The following DPYSL2 variants were observed in gnomAD, a reference collection of about 807,000 sequenced individuals.
DPYSL2 encodes the protein dihydropyrimidinase like 2, also known as dihydropyrimidinase-related protein 2.
Under a neutral mutation model 69.9 loss-of-function variants are expected in DPYSL2, and 13 were observed. That is an observed-to-expected ratio of 0.19 (90% confidence interval 0.12 to 0.30). The LOEUF (loss-of-function observed/expected upper bound fraction) is 0.30. Ranked by LOEUF, DPYSL2 falls within the 10% of genes least tolerant of loss-of-function variation. The pLI is 1.00. For synonymous variants in DPYSL2, 326 were observed against 359.1 expected (o/e 0.91, Z 1.04); for missense variants, 587 against 918.9 (o/e 0.64, Z 4.67).
chr8:26,536,105 CTTTTTTT>C (rs111964513), intron 1 of DPYSL2, among the ~76,000 whole-genome samples: 1 of 139,724 alleles, frequency 7.2e-6, no homozygotes, highest in Non-Finnish European at 1.6e-5. Context: ...TATCTTTTTC[CTTTTTTT>C]TTTTTTTTCT....
chr8:26,587,084 T>C lies in DPYSL2; in HGVS notation c.628+3101T>C, dbSNP rs1801623415. ...TACAGGTGAGGAACTGAGGAATTTT[T>C]ATCCTTTTTCTGTTTGCTGACCAGA... On this transcript the variant is annotated intron_variant, in intron 3 of 13. Transcript: ENST00000521913. This position sits in a 1 kb window ranked among gnomAD's most constrained non-coding sequence, Gnocchi z 4.2. Among the ~76,000 whole-genome samples the C allele has an allele frequency of 6.6e-6, 1 of 152,212 alleles. No individual in the cohort carries two copies. The highest frequency in any genetic ancestry group is 2.4e-5 in the African/African-American group (1 of 41,452).
chr8:26,548,909 C>A (rs1027405552), intron 1 of DPYSL2, among the ~76,000 whole-genome samples: 2 of 151,630 alleles, frequency 1.3e-5, no homozygotes, highest in Admixed American at 1.3e-4. Flanking sequence ...AAAAAATAGG[C>A]CGGGCGCAGT....
rs1801133738 is a variant in DPYSL2, at chr8:26,565,441, G to A, written c.355-16528G>A. Among the ~76,000 whole-genome samples the A allele has an allele frequency of 6.6e-6, 1 of 152,104 alleles. No individual in the cohort carries two copies. Among genetic ancestry groups the A allele is most frequent in the South Asian group, 2.1e-4 (1 of 4,810 alleles). On this transcript the variant is annotated intron_variant, in intron 1 of 13. Coordinates refer to ENST00000521913, the MANE Select transcript of DPYSL2 (RefSeq NM_001197293.3). The surrounding 1 kb of genome is among the most constrained non-coding windows in gnomAD (Gnocchi z 4.1). ...AGTAGTCCAGGAAATGGACCATGGG[G>A]GCCCAGCTGTGAATGAAGAGGTTGA...
Position 26,580,295 on chromosome 8 carries a change from G to A in DPYSL2, c.355-1674G>A, listed in dbSNP as rs1445703079. 6.6e-6 allele frequency among the ~76,000 whole-genome samples: 1 copy of A among 152,166 alleles called. No individual in the cohort carries two copies. The highest frequency in any genetic ancestry group is 2.4e-5 in the African/African-American group (1 of 41,424). ...AGAGGACAAGTGCACTGATTTGAGT[G>A]ACCTGGGCAAGTGGCCTAACCTCTC... On this transcript the variant is annotated intron_variant, in intron 1 of 13. Transcript: ENST00000521913. This position sits in a 1 kb window ranked among gnomAD's most constrained non-coding sequence, Gnocchi z 4.1.
At chr8:26,599,761 A>G (rs926029975) in intron 3 of DPYSL2, among the ~76,000 whole-genome samples, 10 of 151,732 alleles carry the variant, frequency 6.6e-5, no homozygotes, top group South Asian at 2.1e-4. Flanking sequence ...AAAAATTTAG[A>G]TATGATTTGT....
intron 1 of DPYSL2, among the ~76,000 whole-genome samples, chr8:26,556,157 ATAG>A (rs369471044): frequency 0.45 from 5,762 of 12,800 alleles, 2,104 homozygotes; most frequent in East Asian, 0.9. Flanking sequence ...TATACTATAT[ATAG>A]TATATACTAT....
Position 26,657,183 on chromosome 8 carries a change from A to T in DPYSL2, c.*1477A>T, listed in dbSNP as rs1803412164. The T allele has an allele frequency of 6.6e-6, 1 of 152,540 alleles. No homozygotes were observed. The highest frequency in any genetic ancestry group is 1.5e-5 in the Non-Finnish European group (1 of 68,042). The allele number at this position is 152,540 out of a possible 1,614,324, so 9.4% of individuals were successfully genotyped here. A position where few individuals can be genotyped will look rare whatever the true frequency, so the allele number is the denominator to read the frequency against. ...CTTTGCAAGAGGAGAAATGTGTTTT[A>T]TGAACGATAGATCACATCAGAACTC... On this transcript the variant is annotated 3_prime_UTR_variant, in exon 14 of 14. Transcript: ENST00000521913.
chr8:26,583,081 C>A (rs954011925), intron 2 of DPYSL2, among the ~76,000 whole-genome samples: 1 of 152,116 alleles, frequency 6.6e-6, no homozygotes, highest in African/African-American at 2.4e-5. Context: ...GGCCTGTGTG[C>A]TGTTTTTACT....
intron 3 of DPYSL2, among the ~76,000 whole-genome samples, chr8:26,615,973 G>C (rs1484673211): frequency 6.6e-6 from 1 of 152,162 alleles, no homozygotes; most frequent in African/African-American, 2.4e-5. Flanking sequence ...TTATCTTCCT[G>C]GGGGTGTTTA....
rs138188356 is a variant in DPYSL2, at chr8:26,635,448, G to A, written c.1126+548G>A. Among the ~76,000 whole-genome samples the A allele has an allele frequency of 3.9e-3, 600 of 152,294 alleles. 15 individuals are homozygous for A. The highest frequency in any genetic ancestry group is 0.034 in the Admixed American group (520 of 15,300). ...ACTAGGGTGTCCACTGTAACTAACT[G>A]ATGAAGTGCAGCTTCCAGTGCTTCC... On this transcript the variant is annotated intron_variant, in intron 8 of 13. Transcript: ENST00000521913.
chr8:26,599,163 C>T (rs1801935711), intron 3 of DPYSL2, among the ~76,000 whole-genome samples: 1 of 152,154 alleles, frequency 6.6e-6, no homozygotes, highest in Non-Finnish European at 1.5e-5. Context: ...GGGAAAGTGT[C>T]CACTCTGCGG....
At chr8:26,635,623 C>T (rs1337517711) in intron 8 of DPYSL2, among the ~76,000 whole-genome samples, 4 of 152,222 alleles carry the variant, frequency 2.6e-5, no homozygotes, top group South Asian at 2.1e-4. Context: ...GAGGGCATGT[C>T]GTTCATTTTG....
At chr8:26,594,468 CCCTA>C (rs1410573813) in intron 3 of DPYSL2, among the ~76,000 whole-genome samples, 1 of 152,144 alleles carries the variant, frequency 6.6e-6, no homozygotes, top group African/African-American at 2.4e-5. Flanking sequence ...CTATCTATTT[CCCTA>C]CCTACCTATC....
Position 26,516,568 on chromosome 8 carries a change from T to G in DPYSL2, c.354+1889T>G, listed in dbSNP as rs921129392. Reference sequence around the variant, plus strand: ...TTTTATCGGGTTGAATAACACTTCTTTTTTCTTGGCCATTTAGAAGCTTAG... The same window carrying G: ...TTTTATCGGGTTGAATAACACTTCTGTTTTCTTGGCCATTTAGAAGCTTAG... On this transcript the variant is annotated intron_variant, in intron 1 of 13. Transcript: ENST00000521913. The surrounding 1 kb of genome is among the most constrained non-coding windows in gnomAD (Gnocchi z 4.8). Among the ~76,000 whole-genome samples, 1 of 152,194 alleles carries G rather than the reference T, an allele frequency of 6.6e-6. No homozygotes were observed. Among genetic ancestry groups the G allele is most frequent in the Admixed American group, 6.5e-5 (1 of 15,282 alleles).
Position 26,514,295 on chromosome 8 carries a change from A to T in DPYSL2, c.-31A>T. ...TAGGGACTGGCAGACGGACGGACGG[A>T]CGGCGAGGACCCTACCCGAGCCCCC... On this transcript the variant is annotated 5_prime_UTR_variant, in exon 1 of 14. Coordinates refer to ENST00000521913, the MANE Select transcript of DPYSL2 (RefSeq NM_001197293.3). The surrounding 1 kb of genome is among the most constrained non-coding windows in gnomAD (Gnocchi z 8.4). The T allele has an allele frequency of 7.1e-7, 1 of 1,417,130 alleles. No individual in the cohort carries two copies. Among genetic ancestry groups the T allele is most frequent in the Non-Finnish European group, 9.2e-7 (1 of 1,087,416 alleles). 87.8% of individuals were successfully genotyped at this position (1,417,130 alleles called of 1,614,324 possible). A position where few individuals can be genotyped will look rare whatever the true frequency, so the allele number is the denominator to read the frequency against.
chr8:26,523,508 T>A (rs1383891704), intron 1 of DPYSL2, among the ~76,000 whole-genome samples: 1 of 152,194 alleles, frequency 6.6e-6, no homozygotes, highest in African/African-American at 2.4e-5. Context: ...ATCACCTTTC[T>A]ACTTTGTGTC....
At chr8:26,655,509 T>C (rs887565699) in intron 13 of DPYSL2, 106 bp from the exon 14 acceptor site, 4 of 1,003,934 alleles carry the variant, frequency 4.0e-6, no homozygotes, top group Non-Finnish European at 5.7e-6. Context: ...AAAAAAAGAA[T>C]GCGACTAGCA....
intron 1 of DPYSL2, chr8:26,577,730 C>T: frequency 1.1e-6 from 1 of 881,324 alleles, no homozygotes; most frequent in Non-Finnish European, 1.4e-6. Flanking sequence ...GGCGCGCTCC[C>T]AGCGCGGGCG....
At chr8:26,629,996 T>C (rs1302071651) in intron 7 of DPYSL2, among the ~76,000 whole-genome samples, 1 of 41,900 alleles carries the variant, frequency 2.4e-5, no homozygotes, top group Non-Finnish European at 8.3e-5. Flanking sequence ...TACACACACG[T>C]CCATAGGCAC....
Sources: allele counts gnomAD v4.1 joint callset (sites outside exome capture counted in the v4.1 genomes callset), GRCh38; gene constraint gnomAD v4.1.1; non-coding constraint Gnocchi (gnomAD v3.1); transcripts MANE v1.5; gene names NCBI Gene and HGNC (gene_info 2026-07-23, HGNC 2026-07-21).